LEKR1: variants seen among roughly 807,000 people sequenced by gnomAD.
The protein encoded by LEKR1 is protein LEKR1.
Under a neutral mutation model 72.4 loss-of-function variants are expected in LEKR1, and 59 were observed. The observed-to-expected ratio is 0.82, with a 90% CI of 0.66 to 1.01. LEKR1 has a LOEUF of 1.01. Ranked by LOEUF, LEKR1 falls within the 50% of genes least tolerant of loss-of-function variation. The probability of loss-of-function intolerance (pLI) is 0.00; values close to 1 mark genes in which losing one functional copy is unlikely to be tolerated. For missense variants in LEKR1, 728 were observed against 759.2 expected (o/e 0.96, Z 0.48); for synonymous variants, 257 against 263.2 (o/e 0.98, Z 0.23).
chr3:156,896,012 G>A (rs1721145987), intron 3 of LEKR1, among the ~76,000 whole-genome samples: 1 of 152,168 alleles, frequency 6.6e-6, no homozygotes, highest in East Asian at 1.9e-4. Flanking sequence ...CGTACACTGT[G>A]GAATACTATG....
intron 7 of LEKR1, among the ~76,000 whole-genome samples, chr3:156,990,281 T>A (rs1258350453): frequency 1.3e-5 from 2 of 152,168 alleles, no homozygotes; most frequent in Non-Finnish European, 2.9e-5. Flanking sequence ...GGGCATCACA[T>A]CTGGAGGCAC....
At chr3:156,975,553 C>T (rs751122344) in intron 6 of LEKR1, among the ~76,000 whole-genome samples, 1 of 152,096 alleles carries the variant, frequency 6.6e-6, no homozygotes, top group African/African-American at 2.4e-5. Context: ...TTATATCAGC[C>T]TATAAAATAG....
At chr3:156,943,646 G>A (rs1162637746) in intron 6 of LEKR1, among the ~76,000 whole-genome samples, 1 of 151,710 alleles carries the variant, frequency 6.6e-6, no homozygotes, top group Non-Finnish European at 1.5e-5. Context: ...ATAGAATCAG[G>A]GTTGAGGTGA....
chr3:156,978,445 T>C (rs1452839810), intron 6 of LEKR1, among the ~76,000 whole-genome samples: 1 of 152,196 alleles, frequency 6.6e-6, no homozygotes, highest in Non-Finnish European at 1.5e-5. Context: ...TTATAACTTA[T>C]TCTCAAAAAG....
intron 11 of LEKR1, among the ~76,000 whole-genome samples, chr3:157,026,845 T>G (rs1459208562): frequency 6.6e-6 from 1 of 152,202 alleles, no homozygotes; most frequent in Non-Finnish European, 1.5e-5. Flanking sequence ...GTTTTGTTTC[T>G]TAAGGAGAAA....
At chr3:156,942,451 AAG>A in intron 5 of LEKR1, 76 bp from the exon 6 acceptor site, 1 of 443,838 alleles carries the variant, frequency 2.3e-6, no homozygotes, top group Non-Finnish European at 3.6e-6. Context: ...AATTTTCTAA[AAG>A]AAACTAATCA....
At chr3:156,962,291 A>G (rs1728198357) in intron 6 of LEKR1, among the ~76,000 whole-genome samples, 1 of 152,238 alleles carries the variant, frequency 6.6e-6, no homozygotes, top group Non-Finnish European at 1.5e-5. Flanking sequence ...CCTTGGCTTC[A>G]AATAAAAGGG....
chr3:156,921,245 T>G (rs1724166312), intron 4 of LEKR1, among the ~76,000 whole-genome samples: 1 of 152,118 alleles, frequency 6.6e-6, no homozygotes, highest in Non-Finnish European at 1.5e-5. Flanking sequence ...TGAGAAAGAA[T>G]AGTTCCTTTT....
chr3:156,881,996 C>T (rs1361666283), intron 3 of LEKR1, among the ~76,000 whole-genome samples: 32 of 141,278 alleles, frequency 2.3e-4, no homozygotes, highest in East Asian at 2.0e-3. Context: ...ATACAAAAAT[C>T]AATTCAAGAT....
In LEKR1 at chr3:156,993,243, A is replaced by T; in HGVS notation, c.1075A>T (p.Thr359Ser). The T allele has an allele frequency of 6.2e-7, 1 of 1,609,386 alleles. No homozygotes were observed. The highest frequency in any genetic ancestry group is 2.2e-5 in the East Asian group (1 of 44,752). The change falls in exon 9 of 13, where the codon ACA becomes TCA. Residue 359 changes from threonine (T) to serine (S), a missense_variant. By Grantham distance (58) the Thr-to-Ser change is moderately conservative (BLOSUM62 1). Coordinates refer to ENST00000356539, the MANE Select transcript of LEKR1 (RefSeq NM_001004316.3). ...LEITKTLLNQ[T>S]REEVLTLKNE... ...GATAACCAAAACTCTTCTGAATCAG[A>T]CAAGGGAAGAGGTTTTAACACTGAA...
chr3:156,900,854 T>C (rs149698547), intron 3 of LEKR1, among the ~76,000 whole-genome samples: 301 of 152,350 alleles, frequency 2.0e-3, no homozygotes, highest in African/African-American at 6.3e-3. Context: ...GTGAAGAGCA[T>C]ACAATATCTT....
chr3:157,037,250 T>C (rs1735028025), intron 12 of LEKR1, among the ~76,000 whole-genome samples: 1 of 152,208 alleles, frequency 6.6e-6, no homozygotes, highest in Non-Finnish European at 1.5e-5. Flanking sequence ...TGGTTATTCC[T>C]GGGAGGCAGG....
chr3:156,938,126 A>G (rs1367823060), intron 5 of LEKR1, among the ~76,000 whole-genome samples: 1 of 151,916 alleles, frequency 6.6e-6, no homozygotes, highest in African/African-American at 2.4e-5. Context: ...TTTATGATAG[A>G]ATTGCATGGA....
At chr3:156,998,937 C>T (rs548834163) in intron 9 of LEKR1, among the ~76,000 whole-genome samples, 5 of 152,246 alleles carry the variant, frequency 3.3e-5, no homozygotes, top group African/African-American at 1.2e-4. Flanking sequence ...ATAATCCCCA[C>T]GTGTCATGGG....
rs1733761656 is a variant in LEKR1 at position 157,020,690 on chromosome 3, T to G, written c.1204-4070T>G. On this transcript the variant is annotated intron_variant, in intron 10 of 12. Transcript: ENST00000356539. ...ATCCAGTCTATCATTGTTGGACATT[T>G]GGGTTGGTTCCATGTCTTTGCTATT... Among the ~76,000 whole-genome samples, 3 of 152,000 alleles carry G rather than the reference T, an allele frequency of 2.0e-5. No homozygotes were observed. In the South Asian group the frequency reaches 6.2e-4, roughly 32 times the overall value.
intron 3 of LEKR1, among the ~76,000 whole-genome samples, chr3:156,879,588 G>A (rs990501020): frequency 6.6e-6 from 1 of 152,194 alleles, no homozygotes; most frequent in South Asian, 2.1e-4. Flanking sequence ...AAGTAATGAG[G>A]AGCCAAATGT....
chr3:157,040,868 A>G (rs10936057), intron 12 of LEKR1, among the ~76,000 whole-genome samples: 109,319 of 152,054 alleles, frequency 0.72, 39,799 homozygotes, highest in East Asian at 0.93. Context: ...TCCCGTTGCA[A>G]ATGGGAGTCT....
chr3:156,924,598 A>G, intron 4 of LEKR1: 1 of 599,930 alleles, frequency 1.7e-6, no homozygotes. Context: ...TCTTCTTTAG[A>G]TCTATGATCT....
chr3:156,980,322 T>A (rs1730076960), intron 7 of LEKR1, among the ~76,000 whole-genome samples: 1 of 152,130 alleles, frequency 6.6e-6, no homozygotes, highest in African/African-American at 2.4e-5. Flanking sequence ...AAATACCCTA[T>A]CAAATTAATG....
Sources: gnomAD v4.1 joint callset for allele counts (sites outside exome capture counted in the v4.1 genomes callset) on GRCh38, gnomAD v4.1.1 for gene constraint, MANE v1.5 for transcripts, NCBI Gene and HGNC (gene_info 2026-07-23, HGNC 2026-07-21) for gene names.